Variants in CNTNAP2 observed in about 807,000 individuals in gnomAD.
CNTNAP2 encodes contactin-associated protein-like 2.
CNTNAP2 carries 98 observed loss-of-function variants against 155.2 expected under a neutral mutation model. That is an observed-to-expected ratio of 0.63 (90% CI 0.54 to 0.75). The LOEUF is 0.75. Among genes scored for constraint, CNTNAP2 ranks in the 30% least tolerant of loss-of-function variants. The pLI is 0.00. For synonymous variants in CNTNAP2, 651 were observed against 631.2 expected, an observed-to-expected ratio of 1.03 and a Z score of -0.47; for missense variants, 1,727 against 1,688.1, an observed-to-expected ratio of 1.02 and a Z score of -0.40.
At chr7:147,151,693 A>G (rs1012441359) in intron 8 of CNTNAP2, among the ~76,000 whole-genome samples, 5 of 152,210 alleles carry the variant, frequency 3.3e-5, no homozygotes, top group African/African-American at 1.2e-4. Flanking sequence ...AACTAAAAAA[A>G]AAATCATGTA....
intron 14 of CNTNAP2, among the ~76,000 whole-genome samples, chr7:147,933,137 T>C (rs904921610): frequency 5.3e-5 from 8 of 152,040 alleles, no homozygotes; most frequent in Admixed American, 5.2e-4. Flanking sequence ...TGGATGGCTA[T>C]TGTTTTAAAA....
Position 148,322,107 on chromosome 7 carries a change from A to C in CNTNAP2, c.3475+54981A>C, listed in dbSNP as rs558117916. 2.0e-5 allele frequency among the ~76,000 whole-genome samples: 3 copies of C among 152,012 alleles called. No homozygotes were observed. In the East Asian group the frequency reaches 5.8e-4, roughly 29 times the overall value. On this transcript the variant is annotated intron_variant, in intron 21 of 23. Coordinates refer to ENST00000361727, the MANE Select transcript of CNTNAP2 (RefSeq NM_014141.6). ...GGCTAATTTTTTGTATTTTTAGTAG[A>C]AATGGAGGTTTCACCATGTCGGCCA...
At chr7:146,798,790 G>A (rs995729762) in intron 2 of CNTNAP2, among the ~76,000 whole-genome samples, 1 of 152,004 alleles carries the variant, frequency 6.6e-6, no homozygotes, top group Non-Finnish European at 1.5e-5. Flanking sequence ...CAAATTAAAT[G>A]GTCATTATCC....
intron 15 of CNTNAP2, among the ~76,000 whole-genome samples, chr7:148,095,594 C>T (rs374548407): frequency 2.6e-5 from 4 of 152,314 alleles, no homozygotes; most frequent in African/African-American, 9.6e-5. Context: ...AGGGTTATGG[C>T]TCAGCAAGCT....
chr7:146,365,423 A>C (rs1213890684), intron 1 of CNTNAP2, among the ~76,000 whole-genome samples: 1 of 152,114 alleles, frequency 6.6e-6, no homozygotes, highest in African/African-American at 2.4e-5. Context: ...CAGGATGGCA[A>C]ACTCCAATGA....
chr7:147,918,455 C>T (rs1268036016), intron 14 of CNTNAP2, among the ~76,000 whole-genome samples: 1 of 151,718 alleles, frequency 6.6e-6, no homozygotes, highest in Non-Finnish European at 1.5e-5. Context: ...GGTAAATCAT[C>T]CAAGTCAGTT....
At chr7:147,032,673 TAAAG>T (rs537530472) in intron 3 of CNTNAP2, among the ~76,000 whole-genome samples, 116 of 136,536 alleles carry the variant, frequency 8.5e-4, no homozygotes, top group African/African-American at 2.9e-3. Context: ...AGGAAGGAAA[TAAAG>T]AAGAAAAGAA....
chr7:146,226,898 C>T (rs532270709), intron 1 of CNTNAP2, among the ~76,000 whole-genome samples: 2 of 151,904 alleles, frequency 1.3e-5, no homozygotes, highest in Admixed American at 6.6e-5. Context: ...AAAATCATAA[C>T]CACATGTACA....
intron 3 of CNTNAP2, among the ~76,000 whole-genome samples, chr7:146,862,862 G>A (rs974750471): frequency 8.5e-5 from 13 of 152,108 alleles, no homozygotes; most frequent in African/African-American, 3.1e-4. Flanking sequence ...GGTGTAATGT[G>A]GTCATTCTGG....
chr7:148,340,753 G>A (rs546536732), intron 21 of CNTNAP2, among the ~76,000 whole-genome samples: 3 of 152,324 alleles, frequency 2.0e-5, no homozygotes, highest in Admixed American at 2.0e-4. Flanking sequence ...TTAGGAAAGC[G>A]TGGATTCTTT....
intron 18 of CNTNAP2, among the ~76,000 whole-genome samples, chr7:148,213,706 T>G (rs1377450077): frequency 6.6e-6 from 1 of 151,928 alleles, no homozygotes; most frequent in Non-Finnish European, 1.5e-5. Flanking sequence ...GCTCAGTGTG[T>G]TTTCTCCAGG....
intron 13 of CNTNAP2, among the ~76,000 whole-genome samples, chr7:147,858,173 C>T (rs1799072986): frequency 1.3e-5 from 2 of 152,174 alleles, no homozygotes; most frequent in South Asian, 2.1e-4. Context: ...CTGCAACCTC[C>T]ACCTCCTGGG....
intron 15 of CNTNAP2, among the ~76,000 whole-genome samples, chr7:148,052,429 A>G (rs1802911634): frequency 2.0e-5 from 3 of 151,434 alleles, no homozygotes; most frequent in South Asian, 4.1e-4. Flanking sequence ...TCAAAGAAAT[A>G]CAAACTGAAA....
intron 8 of CNTNAP2, among the ~76,000 whole-genome samples, chr7:147,145,520 C>A (rs1333762684): frequency 6.6e-6 from 1 of 152,142 alleles, no homozygotes; most frequent in Non-Finnish European, 1.5e-5. Flanking sequence ...TCCTCTGTTG[C>A]ACTCTGGAAG....
intron 8 of CNTNAP2, among the ~76,000 whole-genome samples, chr7:147,299,145 C>G (rs1331771514): frequency 6.6e-6 from 1 of 152,194 alleles, no homozygotes; most frequent in Non-Finnish European, 1.5e-5. Flanking sequence ...ACCACCTTGT[C>G]ATAGCACAGG....
rs186025988 is a variant in CNTNAP2 at position 146,554,694 on chromosome 7, G to A, written c.98-219577G>A. ...AGTGGACACAGCTCACAGGCTGGCC[G>A]TGCTACCAGCTCTTGCTATTATTCA... On this transcript the variant is annotated intron_variant, in intron 1 of 23. Transcript: ENST00000361727. Among the ~76,000 whole-genome samples the A allele has an allele frequency of 9.0e-3, 1,376 of 152,316 alleles. 6 individuals are homozygous for A. Among genetic ancestry groups the A allele is most frequent in the Non-Finnish European group, 0.014 (934 of 68,038 alleles).
chr7:146,697,738 G>A (rs1048963599), intron 1 of CNTNAP2, among the ~76,000 whole-genome samples: 1 of 151,748 alleles, frequency 6.6e-6, no homozygotes, highest in Non-Finnish European at 1.5e-5. Context: ...TTAATCCACC[G>A]TGATAAGCTC....
At chr7:146,991,927 T>C (rs13234249) in intron 3 of CNTNAP2, among the ~76,000 whole-genome samples, 33,313 of 152,064 alleles carry the variant, frequency 0.22, 4,216 homozygotes, top group Non-Finnish European at 0.27. Context: ...ATCATAAATG[T>C]ATTGTTACTG....
At chr7:147,161,005 A>G (rs1356277994) in intron 8 of CNTNAP2, among the ~76,000 whole-genome samples, 1 of 152,164 alleles carries the variant, frequency 6.6e-6, no homozygotes, top group Non-Finnish European at 1.5e-5. Flanking sequence ...TAGCTGCGAC[A>G]TTAGACATGG....
Sources: gnomAD v4.1 joint callset for allele counts (sites outside exome capture counted in the v4.1 genomes callset) on GRCh38, gnomAD v4.1.1 for gene constraint, MANE v1.5 for transcripts, NCBI Gene and HGNC (gene_info 2026-07-23, HGNC 2026-07-21) for gene names.